SPATA16: variants seen among roughly 807,000 people sequenced by gnomAD.
The protein encoded by SPATA16 is spermatogenesis-associated protein 16.
A neutral mutation model predicts 63.3 loss-of-function variants in SPATA16; 36 were observed. The ratio of observed to expected loss-of-function variants is 0.57; its 90% CI spans 0.44 to 0.75. The LOEUF (loss-of-function observed/expected upper bound fraction) is 0.75, where lower values mean the gene tolerates loss of function less well. Ranked by LOEUF, SPATA16 falls within the 30% of genes least tolerant of loss-of-function variation. The probability of loss-of-function intolerance (pLI) is 0.00; values close to 1 mark genes in which losing one functional copy is unlikely to be tolerated. For missense variants in SPATA16, 646 were observed against 679.3 expected, an observed-to-expected ratio of 0.95 and a Z score of 0.54; for synonymous variants, 203 against 216.7, an observed-to-expected ratio of 0.94 and a Z score of 0.56.
chr3:172,923,737 A>G (rs1577090851), intron 8 of SPATA16, among the ~76,000 whole-genome samples: 1 of 152,234 alleles, frequency 6.6e-6, no homozygotes, highest in Non-Finnish European at 1.5e-5. Flanking sequence ...CCTTATGGCT[A>G]TATAAAGATC....
intron 6 of SPATA16, among the ~76,000 whole-genome samples, chr3:172,946,879 C>T (rs73882541): frequency 0.087 from 13,278 of 152,170 alleles, 1,936 homozygotes; most frequent in African/African-American, 0.3. Context: ...CTGGGTGGGT[C>T]TTGGGAGGGA....
chr3:173,109,090 T>C (rs994176045), intron 2 of SPATA16, among the ~76,000 whole-genome samples: 1 of 152,196 alleles, frequency 6.6e-6, no homozygotes, highest in Non-Finnish European at 1.5e-5. Context: ...AGTGTAGGCT[T>C]ATTTATTGAA....
At chr3:172,892,188 G>T (rs1310605086) in intron 10 of SPATA16, among the ~76,000 whole-genome samples, 1 of 152,118 alleles carries the variant, frequency 6.6e-6, no homozygotes, top group East Asian at 1.9e-4. Flanking sequence ...CCATTGTTTA[G>T]CTTTGAGAGT....
intron 1 of SPATA16, among the ~76,000 whole-genome samples, chr3:173,129,895 T>C (rs576990833): frequency 1.1e-4 from 17 of 152,178 alleles, no homozygotes; most frequent in South Asian, 4.1e-4. Flanking sequence ...ACACTACGGG[T>C]AATGAATGAA....
intron 10 of SPATA16, among the ~76,000 whole-genome samples, chr3:172,906,642 A>G (rs1732243385): frequency 6.6e-6 from 1 of 152,218 alleles, no homozygotes; most frequent in Non-Finnish European, 1.5e-5. Context: ...TTTATCAAGA[A>G]AGAGTTTAGG....
chr3:173,115,277 A>G (rs1737863656), intron 2 of SPATA16, among the ~76,000 whole-genome samples: 1 of 152,224 alleles, frequency 6.6e-6, no homozygotes, highest in South Asian at 2.1e-4. Flanking sequence ...TGAAGCTTTT[A>G]CAGTAGCTAA....
chr3:173,033,839 G>C (rs1027661327), intron 3 of SPATA16, among the ~76,000 whole-genome samples: 1 of 152,014 alleles, frequency 6.6e-6, no homozygotes, highest in Admixed American at 6.6e-5. Flanking sequence ...CAGGTAGCTG[G>C]GACTACAGGT....
chr3:173,042,883 G>A (rs1353306999), intron 3 of SPATA16, among the ~76,000 whole-genome samples: 1 of 152,066 alleles, frequency 6.6e-6, no homozygotes, highest in Admixed American at 6.6e-5. Context: ...TAGAGAACAA[G>A]CTCTATAAGG....
At chr3:173,080,645 G>A (rs1299014171) in intron 2 of SPATA16, among the ~76,000 whole-genome samples, 6 of 152,160 alleles carry the variant, frequency 3.9e-5, no homozygotes, top group Admixed American at 3.9e-4. Flanking sequence ...ATGACTAATG[G>A]AAGAACTAGT....
chr3:173,118,550 T>C (rs1737970811), intron 1 of SPATA16, among the ~76,000 whole-genome samples: 1 of 152,232 alleles, frequency 6.6e-6, no homozygotes, highest in Admixed American at 6.5e-5. Flanking sequence ...TGTTCTAAGA[T>C]ATAATAATTA....
At chr3:173,072,795 A>G (rs932824936) in intron 2 of SPATA16, among the ~76,000 whole-genome samples, 1 of 152,220 alleles carries the variant, frequency 6.6e-6, no homozygotes, top group Non-Finnish European at 1.5e-5. Context: ...AGATACCTGA[A>G]GATGTGGAAG....
At chr3:173,076,988 G>C (rs1736822973) in intron 2 of SPATA16, among the ~76,000 whole-genome samples, 1 of 152,132 alleles carries the variant, frequency 6.6e-6, no homozygotes. Flanking sequence ...TATGAATGGA[G>C]CTTTGGAATT....
chr3:173,083,319 A>G (rs937520849), intron 2 of SPATA16, among the ~76,000 whole-genome samples: 12 of 152,164 alleles, frequency 7.9e-5, no homozygotes, highest in African/African-American at 2.9e-4. Context: ...GAAAACTAGA[A>G]ACATTTTAAA....
intron 4 of SPATA16, among the ~76,000 whole-genome samples, chr3:172,986,742 G>A (rs908606003): frequency 6.6e-6 from 1 of 152,144 alleles, no homozygotes; most frequent in Non-Finnish European, 1.5e-5. Flanking sequence ...GGGAGCTGTT[G>A]TACGGTTTTA....
At chr3:172,972,136 T>C (rs1379439201) in intron 5 of SPATA16, among the ~76,000 whole-genome samples, 1 of 152,192 alleles carries the variant, frequency 6.6e-6, no homozygotes, top group East Asian at 1.9e-4. Context: ...CATTGATAGC[T>C]TTGAGATGGG....
chr3:173,086,182 G>A (rs2108316143), intron 2 of SPATA16, among the ~76,000 whole-genome samples: 1 of 152,088 alleles, frequency 6.6e-6, no homozygotes, highest in East Asian at 1.9e-4. Flanking sequence ...TTTTTGCTTG[G>A]TAGACTATTA....
chr3:172,960,809 G>C (rs1733731465), intron 5 of SPATA16, among the ~76,000 whole-genome samples: 1 of 151,752 alleles, frequency 6.6e-6, no homozygotes, highest in African/African-American at 2.4e-5. Context: ...CCAGAATTAA[G>C]CTGGCAGAAA....
rs145255312 is a variant in SPATA16, at chr3:173,082,514, C to A, written c.613-33420G>T. Among the ~76,000 whole-genome samples the A allele has an allele frequency of 2.9e-3, 442 of 152,292 alleles. 4 individuals carry two copies. Among genetic ancestry groups the A allele is most frequent in the African/African-American group, 0.01 (419 of 41,556 alleles). On this transcript the variant is annotated intron_variant, in intron 2 of 10. Transcript: ENST00000351008. ...CAAGCATTTAAACTGTTCACTATCT[C>A]CCCTAAATAGTCACCCATTGGTGGA...
intron 2 of SPATA16, among the ~76,000 whole-genome samples, chr3:173,103,908 T>C (rs1737558229): frequency 6.6e-6 from 1 of 152,224 alleles, no homozygotes; most frequent in Non-Finnish European, 1.5e-5. Context: ...CTTCTAAATA[T>C]AGAGTGCAAC....
Sources: allele counts gnomAD v4.1 joint callset (sites outside exome capture counted in the v4.1 genomes callset), GRCh38; gene constraint gnomAD v4.1.1; transcripts MANE v1.5; gene names NCBI Gene and HGNC (gene_info 2026-07-23, HGNC 2026-07-21).